The following NRG3 variants were observed in gnomAD, a reference collection of about 807,000 sequenced individuals.
NRG3 encodes the protein neuregulin 3.
A neutral mutation model predicts 66.9 loss-of-function variants in NRG3; 31 were observed. That is an observed-to-expected ratio of 0.46 (90% CI 0.35 to 0.63). The LOEUF is 0.63. Among genes scored for constraint, NRG3 ranks in the 20% least tolerant of loss-of-function variants. The probability of loss-of-function intolerance (pLI) is 0.00; values close to 1 mark genes in which losing one functional copy is unlikely to be tolerated. For missense variants in NRG3, 910 were observed against 878.9 expected, an observed-to-expected ratio of 1.04 and a Z score of -0.45; for synonymous variants, 393 against 359.4, an observed-to-expected ratio of 1.09 and a Z score of -1.06.
intron 1 of NRG3, among the ~76,000 whole-genome samples, chr10:82,204,791 T>C (rs2075036297): frequency 6.6e-6 from 1 of 152,208 alleles, no homozygotes; most frequent in African/African-American, 2.4e-5. Flanking sequence ...TTGACATGTA[T>C]TCTCAAAACA....
At chr10:82,851,284 G>A (rs1442044437) in intron 3 of NRG3, among the ~76,000 whole-genome samples, 1 of 152,108 alleles carries the variant, frequency 6.6e-6, no homozygotes. Context: ...CTTACACAGG[G>A]CCTAAGCATT....
Position 82,973,766 on chromosome 10 carries a change from CTG to C in NRG3, c.1285-20_1285-19del, listed in dbSNP as rs1851990818. The C allele has an allele frequency of 1.2e-6, 2 of 1,613,670 alleles. No homozygotes were observed. The highest frequency in any genetic ancestry group is 1.7e-6 in the Non-Finnish European group (2 of 1,179,598). On this transcript the variant is annotated intron_variant, in intron 6 of 8. Coordinates refer to ENST00000372141, the MANE Select transcript of NRG3 (RefSeq NM_001010848.4). ...CCATAATGTATCCTTCGTCTCAACT[CTG>C]TACGTGTGATTTCCCACAGTATTCA... is the stretch of plus-strand genomic sequence containing the variant.
intron 2 of NRG3, among the ~76,000 whole-genome samples, chr10:82,462,862 C>CT (rs1224993264): frequency 1.3e-5 from 2 of 152,226 alleles, no homozygotes; most frequent in South Asian, 2.1e-4. Flanking sequence ...TGATAACTGT[C>CT]TTTTTTATTT....
chr10:81,938,032 T>G (rs765279546), intron 1 of NRG3, among the ~76,000 whole-genome samples: 1 of 152,128 alleles, frequency 6.6e-6, no homozygotes, highest in South Asian at 2.1e-4. Flanking sequence ...GACACTCTTG[T>G]TGAATATCAT....
At chr10:82,152,949 A>G (rs778072347) in intron 1 of NRG3, among the ~76,000 whole-genome samples, 6 of 149,316 alleles carry the variant, frequency 4.0e-5, no homozygotes, top group Non-Finnish European at 8.9e-5. Context: ...AATTGCATGT[A>G]TTAATGGGGT....
At chr10:82,610,421 T>C (rs1215310941) in intron 2 of NRG3, among the ~76,000 whole-genome samples, 1 of 152,204 alleles carries the variant, frequency 6.6e-6, no homozygotes, top group East Asian at 1.9e-4. Flanking sequence ...GATGTTTAAT[T>C]CATTAACATA....
intron 6 of NRG3, among the ~76,000 whole-genome samples, chr10:82,960,066 A>T (rs1592097450): frequency 6.6e-6 from 1 of 152,230 alleles, no homozygotes; most frequent in African/African-American, 2.4e-5. Flanking sequence ...CAAATGCTTC[A>T]ATCACTGGAA....
chr10:82,334,668 T>C (rs1247818326), intron 1 of NRG3, among the ~76,000 whole-genome samples: 1 of 152,204 alleles, frequency 6.6e-6, no homozygotes, highest in Admixed American at 6.5e-5. Context: ...ACAGACTTAA[T>C]ATGAGGTGGA....
At chr10:82,619,368 C>T (rs1352928687) in intron 2 of NRG3, among the ~76,000 whole-genome samples, 1 of 152,168 alleles carries the variant, frequency 6.6e-6, no homozygotes, top group African/African-American at 2.4e-5. Context: ...CTAACCCATA[C>T]ATTCTGCAGC....
intron 2 of NRG3, among the ~76,000 whole-genome samples, chr10:82,538,943 G>A (rs2043347928): frequency 6.6e-6 from 1 of 152,164 alleles, no homozygotes; most frequent in Non-Finnish European, 1.5e-5. Flanking sequence ...AGCCTCAGAA[G>A]TGCAATTTAT....
At chr10:82,742,147 T>C (rs1039179532) in intron 3 of NRG3, among the ~76,000 whole-genome samples, 1 of 152,174 alleles carries the variant, frequency 6.6e-6, no homozygotes, top group African/African-American at 2.4e-5. Flanking sequence ...TGCATACTTT[T>C]GCTGAGTGAA....
intron 2 of NRG3, among the ~76,000 whole-genome samples, chr10:82,391,364 G>A (rs1435686353): frequency 6.6e-6 from 1 of 152,124 alleles, no homozygotes; most frequent in Non-Finnish European, 1.5e-5. Flanking sequence ...AAGGGAACCT[G>A]GAAAAACCTT....
intron 1 of NRG3, among the ~76,000 whole-genome samples, chr10:82,056,820 C>G (rs962062490): frequency 3.2e-4 from 48 of 152,094 alleles, no homozygotes; most frequent in Non-Finnish European, 2.5e-4. Flanking sequence ...TGCTTTCTGA[C>G]TTTTGTGTTT....
At chr10:82,969,284 C>T (rs1851513733) in intron 6 of NRG3, among the ~76,000 whole-genome samples, 1 of 152,156 alleles carries the variant, frequency 6.6e-6, no homozygotes, top group Non-Finnish European at 1.5e-5. Flanking sequence ...AAAGATATGT[C>T]TTTTATATCC....
intron 1 of NRG3, among the ~76,000 whole-genome samples, chr10:82,120,110 G>T (rs2067987807): frequency 6.6e-6 from 1 of 152,110 alleles, no homozygotes; most frequent in African/African-American, 2.4e-5. Flanking sequence ...TTCAGGAAAA[G>T]AACTCTTTGC....
intron 1 of NRG3, among the ~76,000 whole-genome samples, chr10:82,202,048 C>T (rs2074855996): frequency 6.6e-6 from 1 of 152,108 alleles, no homozygotes; most frequent in Non-Finnish European, 1.5e-5. Context: ...CTACTGAGTA[C>T]CTGCCAGATA....
rs2091625693 is a variant in NRG3 at position 82,463,670 on chromosome 10, A to C, written c.953+104802A>C. ...TATGCTCTCACTACCTCTTCAGAACATGTCAAGGCTGGATAACTGGGCAAA... is the reference window on the plus strand; with the variant it reads ...TATGCTCTCACTACCTCTTCAGAACCTGTCAAGGCTGGATAACTGGGCAAA... On this transcript the variant is annotated intron_variant, in intron 2 of 8. Transcript: ENST00000372141. Among the ~76,000 whole-genome samples, 4 of 152,208 alleles carry C rather than the reference A, an allele frequency of 2.6e-5. No homozygotes were observed. The South Asian group carries it at 8.3e-4, about 32-fold the overall frequency.
intron 3 of NRG3, among the ~76,000 whole-genome samples, chr10:82,819,609 TGAG>T (rs1212697718): frequency 6.6e-6 from 1 of 152,218 alleles, no homozygotes; most frequent in East Asian, 1.9e-4. Flanking sequence ...AAGATTCTTA[TGAG>T]TATCTGATGA....
chr10:82,223,642 AACAC>A (rs398014296), intron 1 of NRG3, among the ~76,000 whole-genome samples: 1,938 of 137,712 alleles, frequency 0.014, 13 homozygotes, highest in East Asian at 0.041. Context: ...AACCACCCCA[AACAC>A]ACACACACAC....
Sources: gnomAD v4.1 joint callset for allele counts (sites outside exome capture counted in the v4.1 genomes callset) on GRCh38, gnomAD v4.1.1 for gene constraint, MANE v1.5 for transcripts, NCBI Gene and HGNC (gene_info 2026-07-23, HGNC 2026-07-21) for gene names.